The following TBC1D12 variants were observed in gnomAD, a reference collection of about 807,000 sequenced individuals.
TBC1D12 encodes the protein TBC1 domain family member 12, also known as TBC1 domain family, member 12.
In TBC1D12, 56 loss-of-function variants were observed where a neutral mutation model predicts 86.7. The observed-to-expected ratio is 0.65, with a 90% confidence interval of 0.52 to 0.81. The LOEUF (loss-of-function observed/expected upper bound fraction) is 0.81, where lower values mean the gene tolerates loss of function less well. TBC1D12 is among the 30% of genes least tolerant of loss of function. TBC1D12 has a pLI of 0.00. For missense variants in TBC1D12, 1,023 were observed against 1,038.8 expected, an observed-to-expected ratio of 0.98 and a Z score of 0.21; for synonymous variants, 421 against 411.7, an observed-to-expected ratio of 1.02 and a Z score of -0.27.
intron 1 of TBC1D12, among the ~76,000 whole-genome samples, chr10:94,437,745 ACAGTTT>A (rs1212242431): frequency 2.0e-5 from 3 of 151,782 alleles, no homozygotes; most frequent in Non-Finnish European, 4.4e-5. Context: ...CTGAGAGTGG[ACAGTTT>A]CAATTTTCTT....
At position 94,402,987 on chromosome 10, in the gene TBC1D12, G is replaced by T. The variant is rs756640266; in HGVS notation, c.374G>T (p.Gly125Val). The change falls in exon 1 of 13, where the codon GGC becomes GTC. Residue 125 changes from glycine to valine, a missense_variant. Around this residue, in one of 2 missense-constraint regions of TBC1D12, gnomAD observed 628 missense variants for 531.1 expected, o/e 1.18. Coordinates refer to ENST00000225235, the MANE Select transcript of TBC1D12 (RefSeq NM_015188.2). The stretch of plus-strand genomic sequence containing the variant: ...CACCGCGGCGCGGAGGTGGCTGATG[G>T]CCGCGCGCCGCGGCACGAAGGCATG... The part of the protein sequence containing the change: ...SKHRGAEVAD[G>V]RAPRHEGMTN... 10 of 1,575,300 alleles carry T rather than the reference G, an allele frequency of 6.3e-6. No individual in the cohort carries two copies. In the Admixed American group the frequency reaches 1.8e-4, roughly 28 times the overall value.
chr10:94,412,382 G>A (rs950868881), intron 1 of TBC1D12, among the ~76,000 whole-genome samples: 3 of 152,160 alleles, frequency 2.0e-5, no homozygotes, highest in South Asian at 2.1e-4. Context: ...CTGGGGAAAC[G>A]TTACACAATT....
At chr10:94,493,504 G>T in intron 4 of TBC1D12, 57 bp downstream of exon 4, 4 of 1,203,834 alleles carry the variant, frequency 3.3e-6, no homozygotes, top group Non-Finnish European at 4.8e-6. Flanking sequence ...AAGATGGATG[G>T]TAAAATTCAT....
chr10:94,465,670 A>ATATGTGTGTGTGTG lies in TBC1D12; in HGVS notation c.1096-8997_1096-8996insATGTGTGTGTGTGT, dbSNP rs1473804309. Among the ~76,000 whole-genome samples, 6 of 137,962 alleles carry ATATGTGTGTGTGTG rather than the reference A, an allele frequency of 4.3e-5. No individual in the cohort carries two copies. The East Asian group carries it at 1.3e-3, about 30-fold the overall frequency. The allele number at this position is 137,962 out of a possible 152,430, so 90.5% of individuals were successfully genotyped here. A position where few individuals can be genotyped will look rare whatever the true frequency, so the allele number is the denominator to read the frequency against. On this transcript the variant is annotated intron_variant, in intron 2 of 12. Coordinates refer to ENST00000225235, the MANE Select transcript of TBC1D12 (RefSeq NM_015188.2). The stretch of plus-strand genomic sequence containing the variant: ...TAAAAAAAAAAATATATATATATAT[A>ATATGTGTGTGTGTG]TGTGTGTGTGTGTGTGTGTGTGTGT...
In TBC1D12 at chr10:94,531,383, G is replaced by C. The variant is rs1244284100; in HGVS notation, c.2182G>C (p.Glu728Gln). The part of the protein sequence containing the change: ...HIAQFLTKLP[E>Q]DITSEKLFSC... The stretch of plus-strand genomic sequence containing the variant: ...AGCACAGTTTCTAACTAAATTGCCA[G>C]AAGATATCACATCGGAAAAGCTGTT... Residue 728 changes from glutamate to glutamine, a missense_variant, in exon 12 of 13, where the codon GAA (glutamate) becomes CAA (glutamine). By Grantham distance (29) the Glu-to-Gln change is conservative. Transcript: ENST00000225235. The C allele has an allele frequency of 6.2e-7, 1 of 1,614,110 alleles. No individual in the cohort carries two copies. The highest frequency in any genetic ancestry group is 1.1e-5 in the South Asian group (1 of 91,076).
At chr10:94,411,882 A>T (rs1486787582) in intron 1 of TBC1D12, among the ~76,000 whole-genome samples, 1 of 152,172 alleles carries the variant, frequency 6.6e-6, no homozygotes, top group Non-Finnish European at 1.5e-5. Flanking sequence ...CACTTGAGCC[A>T]GCGAGGTCGG....
At chr10:94,520,658 G>A (rs925352161) in intron 9 of TBC1D12, among the ~76,000 whole-genome samples, 6 of 152,186 alleles carry the variant, frequency 3.9e-5, no homozygotes, top group Middle Eastern at 3.4e-3. Context: ...AGTTATCATT[G>A]CAGGTGTTCT....
intron 3 of TBC1D12, among the ~76,000 whole-genome samples, chr10:94,482,586 G>A (rs1482489441): frequency 6.6e-6 from 1 of 151,896 alleles, no homozygotes; most frequent in Non-Finnish European, 1.5e-5. Flanking sequence ...GAGTAGCTGG[G>A]ATTATAGGCA....
chr10:94,514,883 A>G (rs574473019), intron 9 of TBC1D12, among the ~76,000 whole-genome samples: 2 of 151,734 alleles, frequency 1.3e-5, no homozygotes, highest in East Asian at 3.9e-4. Flanking sequence ...ACATTCCTAT[A>G]AACAGTGTGC....
At chr10:94,488,828 C>T (rs1001617256) in intron 3 of TBC1D12, among the ~76,000 whole-genome samples, 4 of 152,078 alleles carry the variant, frequency 2.6e-5, no homozygotes, top group Non-Finnish European at 4.4e-5. Flanking sequence ...GGGGCCTCAC[C>T]ACTGCCTGGT....
chr10:94,470,700 TTTTTTTTTTTAC>T (rs2055892435), intron 2 of TBC1D12, among the ~76,000 whole-genome samples: 1 of 151,082 alleles, frequency 6.6e-6, no homozygotes, highest in Non-Finnish European at 1.5e-5. Flanking sequence ...CTTTTTTTTT[TTTTTTTTTTTAC>T]TTTTTTTTTT....
At chr10:94,434,214 T>C (rs2134080235) in intron 1 of TBC1D12, among the ~76,000 whole-genome samples, 1 of 152,172 alleles carries the variant, frequency 6.6e-6, no homozygotes, top group South Asian at 2.1e-4. Context: ...GGATTAAAAA[T>C]ATGAAAATTG....
chr10:94,524,011 G>C (rs915614767), intron 11 of TBC1D12, among the ~76,000 whole-genome samples: 1 of 152,040 alleles, frequency 6.6e-6, no homozygotes, highest in South Asian at 2.1e-4. Context: ...ACTGCAGACA[G>C]GATCACCATT....
chr10:94,498,818 G>T (rs11815836), intron 5 of TBC1D12, among the ~76,000 whole-genome samples: 7 of 151,964 alleles, frequency 4.6e-5, no homozygotes, highest in Admixed American at 1.3e-4. Flanking sequence ...GCCCAGGCTG[G>T]GGTGTAGTGG....
At chr10:94,508,999 G>A (rs2056495003) in intron 7 of TBC1D12, 1 of 152,040 alleles carries the variant, frequency 6.6e-6, no homozygotes, top group African/African-American at 2.4e-5. Flanking sequence ...GTTCGATTAA[G>A]GGCTTATCAC....
At position 94,483,603 on chromosome 10, in the gene TBC1D12, G is replaced by T. The variant is rs181605504; in HGVS notation, c.1211+8820G>T. On this transcript the variant is annotated intron_variant, in intron 3 of 12. Coordinates refer to ENST00000225235, the MANE Select transcript of TBC1D12 (RefSeq NM_015188.2). ...AAATATTTTACCTATTTTTAAATTG[G>T]ATTATTAGCTTTATCCCTGTGGATA... Among the ~76,000 whole-genome samples, 235 of 152,116 alleles carry T rather than the reference G, an allele frequency of 1.5e-3. 1 individual carries two copies. Among genetic ancestry groups the T allele is most frequent in the Non-Finnish European group, 2.7e-3 (186 of 68,002 alleles).
chr10:94,488,386 CT>C (rs770258959), intron 3 of TBC1D12, among the ~76,000 whole-genome samples: 94 of 74,812 alleles, frequency 1.3e-3, no homozygotes, highest in African/African-American at 3.9e-3. Flanking sequence ...CCCAAGGGGT[CT>C]TTTTTTTTTT....
chr10:94,529,321 T>A (rs1379397355), intron 11 of TBC1D12, among the ~76,000 whole-genome samples: 8 of 152,306 alleles, frequency 5.3e-5, no homozygotes, highest in South Asian at 2.1e-4. Context: ...TAGGCTTTTT[T>A]AAAAATTAAG....
At chr10:94,460,146 C>A (rs775846126) in intron 2 of TBC1D12, among the ~76,000 whole-genome samples, 37 of 152,088 alleles carry the variant, frequency 2.4e-4, no homozygotes, top group South Asian at 2.1e-4. Context: ...GCAGGAGAAT[C>A]GCTTGAACCT....
Sources: allele counts gnomAD v4.1 joint callset (sites outside exome capture counted in the v4.1 genomes callset), GRCh38; gene constraint gnomAD v4.1.1; regional missense constraint gnomAD v4.1.1; transcripts MANE v1.5; gene names NCBI Gene and HGNC (gene_info 2026-07-23, HGNC 2026-07-21).